PSTPIP1: variants seen among roughly 807,000 people sequenced by gnomAD.
PSTPIP1 encodes proline-serine-threonine phosphatase interacting protein 1.
PSTPIP1 carries 66 observed loss-of-function variants against 69.6 expected under a neutral mutation model. The ratio of observed to expected loss-of-function variants is 0.95; its 90% confidence interval spans 0.78 to 1.16. PSTPIP1 has a LOEUF of 1.16. Ranked by LOEUF, PSTPIP1 falls within the 50% of genes most tolerant of loss-of-function variation. The probability of loss-of-function intolerance (pLI) is 0.00; values close to 1 mark genes in which losing one functional copy is unlikely to be tolerated. For synonymous variants in PSTPIP1, 266 were observed against 222.7 expected, an observed-to-expected ratio of 1.19 and a Z score of -1.73; for missense variants, 603 against 557.4, an observed-to-expected ratio of 1.08 and a Z score of -0.82.
At chr15:77,028,139 GAA>G (rs1378671764) in intron 6 of PSTPIP1, among the ~76,000 whole-genome samples, 6 of 152,214 alleles carry the variant, frequency 3.9e-5, no homozygotes, top group East Asian at 3.9e-4. Context: ...TGGGGCTCGT[GAA>G]TGAAGGGCAG....
intron 3 of PSTPIP1, among the ~76,000 whole-genome samples, chr15:77,022,498 G>A (rs1232917788): frequency 6.6e-6 from 1 of 152,218 alleles, no homozygotes; most frequent in Non-Finnish European, 1.5e-5. Flanking sequence ...TTCAACATGC[G>A]ATGGAGACAC....
intron 1 of PSTPIP1, among the ~76,000 whole-genome samples, chr15:77,001,810 T>A (rs902888817): frequency 1.3e-5 from 2 of 152,138 alleles, no homozygotes; most frequent in Admixed American, 6.5e-5. Flanking sequence ...ACAACAAAAA[T>A]CTGTGGACGG....
chr15:77,026,316 G>T, intron 5 of PSTPIP1: 1 of 417,466 alleles, frequency 2.4e-6, no homozygotes, highest in Non-Finnish European at 4.8e-6. Flanking sequence ...GCCTCTCAGG[G>T]CCTTAGTGAT....
At chr15:77,007,217 G>A (rs2075831813) in intron 1 of PSTPIP1, among the ~76,000 whole-genome samples, 1 of 152,202 alleles carries the variant, frequency 6.6e-6, no homozygotes, top group African/African-American at 2.4e-5. Context: ...GGTCTGGAGG[G>A]AAGGCCTGGA....
At chr15:77,024,924 A>G (rs886886211) in intron 3 of PSTPIP1, among the ~76,000 whole-genome samples, 18 of 151,914 alleles carry the variant, frequency 1.2e-4, no homozygotes, top group African/African-American at 4.3e-4. Context: ...CCGAGGAGAG[A>G]GGGCTGTGAA....
At chr15:77,028,365 C>G (rs889226791) in intron 6 of PSTPIP1, 189 bp from the exon 7 acceptor site, 6 of 554,004 alleles carry the variant, frequency 1.1e-5, no homozygotes, top group Non-Finnish European at 1.9e-5. Flanking sequence ...GAGAGCAGGA[C>G]TACCAGCAGC....
chr15:77,005,650 T>G (rs1568486340), intron 1 of PSTPIP1, among the ~76,000 whole-genome samples: 1 of 152,228 alleles, frequency 6.6e-6, no homozygotes, highest in Non-Finnish European at 1.5e-5. Context: ...TCCCCACCCC[T>G]TCACCGCATA....
chr15:77,018,270 G>T, intron 2 of PSTPIP1, 22 bp downstream of exon 2: 1 of 1,560,026 alleles, frequency 6.4e-7, no homozygotes, highest in African/African-American at 1.4e-5. Flanking sequence ...GGCAGGCCAT[G>T]GGGAGCGCAG....
chr15:77,010,893 C>T (rs975255566), intron 1 of PSTPIP1, among the ~76,000 whole-genome samples: 1 of 152,112 alleles, frequency 6.6e-6, no homozygotes, highest in African/African-American at 2.4e-5. Flanking sequence ...TGATCCACCC[C>T]TCTCAGCCTC....
In PSTPIP1 at chr15:77,035,869, GGA is replaced by G; in HGVS notation, c.1056_1057del (p.Glu352AspfsTer25). The stretch of plus-strand genomic sequence containing the variant: ...GTGTCTACACAGCCATCGCAGTGCA[GGA>G]GATACAGGGAAACCCGGCCTCACCA... ...EGVYTAIAVQEIQGNPASPAQ... is the reference protein window; with the variant it reads ...EGVYTAIAVQXIQGNPASPAQ... On this transcript the variant is annotated frameshift_variant, in exon 14 of 15. Coordinates refer to ENST00000558012, the MANE Select transcript of PSTPIP1 (RefSeq NM_003978.5). LOFTEE classifies it high-confidence loss of function. 1 of 1,610,700 alleles carries G rather than the reference GGA, an allele frequency of 6.2e-7. No individual in the cohort carries two copies. The highest frequency in any genetic ancestry group is 8.5e-7 in the Non-Finnish European group (1 of 1,179,628).
In PSTPIP1 at chr15:77,027,809, C is replaced by T. The variant is rs1358226160; in HGVS notation, c.355-43C>T. 5.8e-6 allele frequency: 9 copies of T among 1,549,796 alleles called. No individual in the cohort carries two copies. The East Asian group carries it at 1.2e-4, about 21-fold the overall frequency. On this transcript the variant is annotated intron_variant, in intron 5 of 14. Transcript: ENST00000558012. This position sits in a 1 kb window ranked among gnomAD's most constrained non-coding sequence, Gnocchi z 4.3. ...CGTCCTCTTGGCCTAGGGGAGCCTC[C>T]CGAGGCCGCGGCCCTCGGCTCAGAA...
Position 77,037,211 on chromosome 15 carries a change from C to T in PSTPIP1, c.*35C>T, listed in dbSNP as rs774320125. 2 of 1,563,996 alleles carry T rather than the reference C, an allele frequency of 1.3e-6. No homozygotes were observed. Among genetic ancestry groups the T allele is most frequent in the Non-Finnish European group, 1.7e-6 (2 of 1,156,100 alleles). On this transcript the variant is annotated 3_prime_UTR_variant, in exon 15 of 15. Coordinates refer to ENST00000558012, the MANE Select transcript of PSTPIP1 (RefSeq NM_003978.5). ...AGGAGCCCCTTCGGACCTGCCCTGC[C>T]AGTGGAGCCAGCAGTGCCCCCAGCA... is the stretch of plus-strand genomic sequence containing the variant.
At chr15:77,030,473 G>A (rs747418008) in intron 8 of PSTPIP1, 29 bp from the exon 9 acceptor site, 3 of 1,605,924 alleles carry the variant, frequency 1.9e-6, no homozygotes, top group South Asian at 2.2e-5. Flanking sequence ...TCGTGTCAGG[G>A]CCCTCCCTGA....
intron 1 of PSTPIP1, among the ~76,000 whole-genome samples, chr15:76,997,087 G>T (rs1307455428): frequency 2.0e-5 from 3 of 152,230 alleles, no homozygotes; most frequent in Non-Finnish European, 4.4e-5. Flanking sequence ...GCAGGATCTG[G>T]GCACAGGTAG....
intron 12 of PSTPIP1, among the ~76,000 whole-genome samples, chr15:77,035,277 C>T (rs1054596652): frequency 2.6e-5 from 4 of 152,252 alleles, no homozygotes; most frequent in Admixed American, 6.5e-5. Flanking sequence ...CTGCAGAGGG[C>T]GCCAGTGGAG....
intron 1 of PSTPIP1, among the ~76,000 whole-genome samples, chr15:77,011,092 T>G (rs903016080): frequency 6.6e-6 from 1 of 152,104 alleles, no homozygotes; most frequent in African/African-American, 2.4e-5. Context: ...GAAGGCCTAT[T>G]TAAAAGAACA....
In PSTPIP1 at chr15:77,025,287, C is replaced by T. The variant is rs1426398385; in HGVS notation, c.216C>T (p.Ser72=). The change falls in exon 4 of 15, where the codon TCC becomes TCT. Residue 72 remains serine (S), a synonymous_variant. Coordinates refer to ENST00000558012, the MANE Select transcript of PSTPIP1 (RefSeq NM_003978.5). ...RKAGGQTEIN[S]LRASFDSLKQ... ...CCTGGACCCATCTGTTTTGCAGCTC[C>T]CTGAGGGCCTCCTTTGACTCCTTGA... The T allele has an allele frequency of 6.2e-7, 1 of 1,610,646 alleles. No individual in the cohort carries two copies. The highest frequency in any genetic ancestry group is 1.1e-5 in the South Asian group (1 of 91,018).
chr15:76,994,983 G>T, upstream of PSTPIP1: 2 of 1,186,682 alleles, frequency 1.7e-6, no homozygotes, highest in Middle Eastern at 5.8e-4. Flanking sequence ...ATGGCCTCTG[G>T]AATAAAGTGA....
chr15:77,012,152 T>TCCATCCACCCACCCAC (rs2075952167), intron 1 of PSTPIP1, among the ~76,000 whole-genome samples: 8 of 55,748 alleles, frequency 1.4e-4, no homozygotes, highest in African/African-American at 4.2e-4. Flanking sequence ...CATCCATCCA[T>TCCATCCACCCACCCAC]CCATCCACCC....
Sources: gnomAD v4.1 joint callset for allele counts (sites outside exome capture counted in the v4.1 genomes callset) on GRCh38, gnomAD v4.1.1 for gene constraint, Gnocchi (gnomAD v3.1) non-coding constraint, MANE v1.5 for transcripts, NCBI Gene and HGNC (gene_info 2026-07-23, HGNC 2026-07-21) for gene names.